The following WDR33 variants were observed in gnomAD, a reference collection of about 807,000 sequenced individuals.
WDR33 encodes the protein WD repeat domain 33.
In WDR33, 47 loss-of-function variants were observed where a neutral mutation model predicts 164.9. That is an observed-to-expected ratio of 0.29 (90% CI 0.23 to 0.36). The LOEUF is 0.36. Ranked by LOEUF, WDR33 falls within the 10% of genes least tolerant of loss-of-function variation. The probability of loss-of-function intolerance (pLI) is 1.00; values close to 1 mark genes in which losing one functional copy is unlikely to be tolerated. For synonymous variants in WDR33, 505 were observed against 589.0 expected, an observed-to-expected ratio of 0.86 and a Z score of 2.06; for missense variants, 1,137 against 1,754.1, an observed-to-expected ratio of 0.65 and a Z score of 6.28.
chr2:127,789,590 CTG>C (rs1210683002), intron 1 of WDR33, among the ~76,000 whole-genome samples: 51 of 150,848 alleles, frequency 3.4e-4, no homozygotes, highest in Middle Eastern at 3.5e-3. Flanking sequence ...ACTCGGCAGG[CTG>C]AGGCAGGAGA....
Position 127,720,841 on chromosome 2 carries a change from G to A in WDR33, c.1672-488C>T, listed in dbSNP as rs150772305. On this transcript the variant is annotated intron_variant, in intron 15 of 21. Transcript: ENST00000322313. The surrounding 1 kb of genome is among the most constrained non-coding windows in gnomAD (Gnocchi z 5.9). Reference sequence around the variant, plus strand: ...CCCAAAGTGCTGGGATTACAGGCGTGAGCCACTGTGCCTGGCCTAGTCAGG... The same window carrying A: ...CCCAAAGTGCTGGGATTACAGGCGTAAGCCACTGTGCCTGGCCTAGTCAGG... 5.9e-4 allele frequency among the ~76,000 whole-genome samples: 90 copies of A among 151,904 alleles called. No individual in the cohort carries two copies. Among genetic ancestry groups the A allele is most frequent in the African/African-American group, 2.1e-3 (85 of 41,454 alleles).
intron 4 of WDR33, 94 bp downstream of exon 4, chr2:127,768,095 T>A: frequency 2.7e-6 from 2 of 754,160 alleles, no homozygotes; most frequent in Non-Finnish European, 3.8e-6. Flanking sequence ...AGATATACTT[T>A]TAAAATAATG....
At chr2:127,806,956 A>G (rs1341691628) in intron 1 of WDR33, among the ~76,000 whole-genome samples, 1 of 152,222 alleles carries the variant, frequency 6.6e-6, no homozygotes, top group Non-Finnish European at 1.5e-5. Context: ...GAATCCAAAC[A>G]GAAGGCATAT....
Position 127,764,505 on chromosome 2 carries a change from A to G in WDR33, c.626+323T>C. 2 of 1,497,542 alleles carry G rather than the reference A, an allele frequency of 1.3e-6. No homozygotes were observed. The highest frequency in any genetic ancestry group is 4.9e-5 in the East Asian group (2 of 40,556). 92.8% of individuals were successfully genotyped at this position (1,497,542 alleles called of 1,614,324 possible). A position where few individuals can be genotyped will look rare whatever the true frequency, so the allele number is the denominator to read the frequency against. ...CTGAATTCTTTATTTGGAATGAAAT[A>G]TTCTTGTCTTACACAGTAGATAATA... On this transcript the variant is annotated intron_variant, in intron 6 of 21. Coordinates refer to ENST00000322313, the MANE Select transcript of WDR33 (RefSeq NM_018383.5). The surrounding 1 kb of genome is among the most constrained non-coding windows in gnomAD (Gnocchi z 6.2).
chr2:127,805,915 G>A (rs1304665967), intron 1 of WDR33, among the ~76,000 whole-genome samples: 1 of 151,264 alleles, frequency 6.6e-6, no homozygotes, highest in Non-Finnish European at 1.5e-5. Flanking sequence ...CTTGAAGCTG[G>A]AGTCTACTGC....
chr2:127,702,188 CCTCGCCG>C lies in WDR33; in HGVS notation c.*4128_*4134del. The C allele has an allele frequency of 8.2e-7, 1 of 1,213,840 alleles. No individual in the cohort carries two copies. The highest frequency in any genetic ancestry group is 1.0e-6 in the Non-Finnish European group (1 of 974,978). 75.2% of individuals were successfully genotyped at this position (1,213,840 alleles called of 1,614,324 possible). ...TGCTGCCCGTGTGAGGACCTCGCGCCCTCGCCGCTGGGGAAGTACGCGGAGCCAGCGC... is the reference window on the plus strand; with the variant it reads ...TGCTGCCCGTGTGAGGACCTCGCGCCCTGGGGAAGTACGCGGAGCCAGCGC... On this transcript the variant is annotated 3_prime_UTR_variant, in exon 22 of 22. Coordinates refer to ENST00000322313, the MANE Select transcript of WDR33 (RefSeq NM_018383.5).
chr2:127,707,351 G>A (rs1335108338), intron 21 of WDR33, among the ~76,000 whole-genome samples: 1 of 152,002 alleles, frequency 6.6e-6, no homozygotes, highest in Non-Finnish European at 1.5e-5. Context: ...CTCAGAAGAT[G>A]ACTGCAAACT....
intron 7 of WDR33, among the ~76,000 whole-genome samples, chr2:127,731,317 A>AAAAAAC (rs1553473221): frequency 4.2e-5 from 6 of 143,912 alleles, no homozygotes; most frequent in African/African-American, 1.6e-4. Flanking sequence ...AAAAAAAAAA[A>AAAAAAC]ACACAGAAAA....
At chr2:127,789,610 A>G (rs1688772875) in intron 1 of WDR33, among the ~76,000 whole-genome samples, 1 of 149,862 alleles carries the variant, frequency 6.7e-6, no homozygotes, top group Non-Finnish European at 1.5e-5. Flanking sequence ...AGAATCAGGC[A>G]GGGAGGTTGC....
At chr2:127,767,166 T>A (rs926643759) in intron 4 of WDR33, among the ~76,000 whole-genome samples, 1 of 152,120 alleles carries the variant, frequency 6.6e-6, no homozygotes, top group Non-Finnish European at 1.5e-5. Flanking sequence ...CTGCTCTCTA[T>A]CATACTCCTC....
At chr2:127,765,840 C>G (rs1687804763) in intron 4 of WDR33, among the ~76,000 whole-genome samples, 1 of 149,628 alleles carries the variant, frequency 6.7e-6, no homozygotes, top group Admixed American at 6.6e-5. Flanking sequence ...AAGTACCAAG[C>G]AGTGATAACT....
chr2:127,768,832 A>G, intron 3 of WDR33, 101 bp downstream of exon 3: 1 of 746,362 alleles, frequency 1.3e-6, no homozygotes. Flanking sequence ...ATAAAAATGT[A>G]AAAAGAAAAG....
intron 18 of WDR33, among the ~76,000 whole-genome samples, chr2:127,711,765 TATA>T (rs1558919311): frequency 3.0e-4 from 27 of 88,912 alleles, no homozygotes; most frequent in African/African-American, 1.8e-3. Context: ...TATATATATA[TATA>T]TATATATATA....
At chr2:127,791,941 T>A (rs575033921) in intron 1 of WDR33, among the ~76,000 whole-genome samples, 51 of 151,768 alleles carry the variant, frequency 3.4e-4, no homozygotes, top group Admixed American at 3.3e-4. Context: ...TGTCTTAGTA[T>A]CTTTTTTTTT....
chr2:127,806,566 C>T (rs1689449471), intron 1 of WDR33, among the ~76,000 whole-genome samples: 1 of 151,924 alleles, frequency 6.6e-6, no homozygotes, highest in Non-Finnish European at 1.5e-5. Context: ...TAAAACCAGC[C>T]CAGAATCTTG....
At chr2:127,793,796 C>T (rs705048) in intron 1 of WDR33, among the ~76,000 whole-genome samples, 128,812 of 152,108 alleles carry the variant, frequency 0.85, 55,182 homozygotes, top group East Asian at 0.97. Context: ...AATTTCACCA[C>T]CTTACTCAAC....
In WDR33 at chr2:127,711,768, A is replaced by ATTTTTTTTT. The variant is rs1441301170; in HGVS notation, c.3308+1814_3308+1815insAAAAAAAAA. 2.3e-3 allele frequency among the ~76,000 whole-genome samples: 160 copies of ATTTTTTTTT among 70,218 alleles called. 8 individuals carry two copies. Among genetic ancestry groups the ATTTTTTTTT allele is most frequent in the African/African-American group, 0.011 (101 of 8,996 alleles). The allele number at this position is 70,218 out of a possible 152,430, so 46.1% of individuals were successfully genotyped here. Reference sequence around the variant, plus strand: ...CATATACAGATATATATATATATATATATATATATATATTTTTTTTTTGAG... The same window carrying ATTTTTTTTT: ...CATATACAGATATATATATATATATATTTTTTTTTTATATATATATATTTTTTTTTTGAG... On this transcript the variant is annotated intron_variant, in intron 18 of 21. Coordinates refer to ENST00000322313, the MANE Select transcript of WDR33 (RefSeq NM_018383.5).
At position 127,714,377 on chromosome 2, in the gene WDR33, C is replaced by T. The variant is rs180733923; in HGVS notation, c.2870-356G>A. 6.6e-6 allele frequency among the ~76,000 whole-genome samples: 1 copy of T among 152,340 alleles called. No homozygotes were observed. The highest frequency in any genetic ancestry group is 1.9e-4 in the East Asian group (1 of 5,190). ...TCTTTCAGGCATTTCATTAGGGCCA[C>T]CTGCTCCACATCCAAGGAGGACACA... On this transcript the variant is annotated intron_variant, in intron 17 of 21. Coordinates refer to ENST00000322313, the MANE Select transcript of WDR33 (RefSeq NM_018383.5). The surrounding 1 kb of genome is among the most constrained non-coding windows in gnomAD (Gnocchi z 4.3).
chr2:127,781,844 C>A (rs550058067), intron 1 of WDR33, among the ~76,000 whole-genome samples: 3 of 151,740 alleles, frequency 2.0e-5, no homozygotes, highest in African/African-American at 7.2e-5. Context: ...ACTAAAAATA[C>A]AAAATTAACC....
Sources: gnomAD v4.1 joint callset for allele counts (sites outside exome capture counted in the v4.1 genomes callset) on GRCh38, gnomAD v4.1.1 for gene constraint, Gnocchi (gnomAD v3.1) non-coding constraint, MANE v1.5 for transcripts, NCBI Gene and HGNC (gene_info 2026-07-23, HGNC 2026-07-21) for gene names.